The following SLCO2B1 variants were observed in gnomAD, a reference collection of about 807,000 sequenced individuals.
The protein encoded by SLCO2B1 is solute carrier organic anion transporter family member 2B1.
A neutral mutation model predicts 67.3 loss-of-function variants in SLCO2B1; 41 were observed. The observed-to-expected ratio is 0.61, with a 90% confidence interval of 0.47 to 0.79. The LOEUF (loss-of-function observed/expected upper bound fraction) is 0.79. SLCO2B1 is among the 30% of genes least tolerant of loss of function. The pLI is 0.00. For missense variants in SLCO2B1, 837 were observed against 920.1 expected, an observed-to-expected ratio of 0.91 and a Z score of 1.17; for synonymous variants, 379 against 381.4, an observed-to-expected ratio of 0.99 and a Z score of 0.07.
rs116456559 is a variant in SLCO2B1 at position 75,188,962 on chromosome 11, G to A, written c.1075+724G>A. ...CTGAGCCTGCAAATGGGAGGCCATC[G>A]GGAAATTGTCAAATTTCCAGACAGT... is the stretch of plus-strand genomic sequence containing the variant. On this transcript the variant is annotated intron_variant, in intron 8 of 13. Transcript: ENST00000289575. 7.0e-3 allele frequency among the ~76,000 whole-genome samples: 1,059 copies of A among 152,218 alleles called. 13 individuals carry two copies. Among genetic ancestry groups the A allele is most frequent in the African/African-American group, 0.024 (989 of 41,538 alleles).
chr11:75,177,011 G>C (rs959578512), intron 7 of SLCO2B1, among the ~76,000 whole-genome samples: 8 of 152,208 alleles, frequency 5.3e-5, no homozygotes, highest in Admixed American at 2.6e-4. Flanking sequence ...TAGACCACCA[G>C]GTCTGCACAT....
intron 3 of SLCO2B1, among the ~76,000 whole-genome samples, chr11:75,164,505 G>GA (rs774792208): frequency 1.3e-5 from 2 of 152,096 alleles, no homozygotes; most frequent in Non-Finnish European, 2.9e-5. Context: ...ATGGTCGCGG[G>GA]AGGGATACCG....
chr11:75,164,047 A>G lies in SLCO2B1; in HGVS notation c.232A>G (p.Lys78Glu). ...AAAGAGCTCCATCTCCACAGTGGAG[A>G]AGCGCTTCGGCCTCTCCAGCCAGAC... is the stretch of plus-strand genomic sequence containing the variant. The part of the protein sequence containing the change: ...YLKSSISTVE[K>E]RFGLSSQTSG... The change falls in exon 3 of 14, where the codon AAG becomes GAG. Residue 78 changes from lysine to glutamate, a missense_variant. By Grantham distance (56) the Lys-to-Glu change is moderately conservative. Coordinates refer to ENST00000289575, the MANE Select transcript of SLCO2B1 (RefSeq NM_007256.5). 1 of 1,607,800 alleles carries G rather than the reference A, an allele frequency of 6.2e-7. No individual in the cohort carries two copies. Among genetic ancestry groups the G allele is most frequent in the Non-Finnish European group, 8.5e-7 (1 of 1,177,320 alleles).
chr11:75,197,041 G>A (rs567813206), intron 10 of SLCO2B1, among the ~76,000 whole-genome samples: 10 of 152,318 alleles, frequency 6.6e-5, no homozygotes, highest in South Asian at 2.1e-4. Flanking sequence ...ACTTGAATCC[G>A]GGAGGCGGAG....
At chr11:75,164,192 G>GCCTT in intron 3 of SLCO2B1, 92 bp downstream of exon 3, 1 of 1,396,292 alleles carries the variant, frequency 7.2e-7, no homozygotes, top group Non-Finnish European at 9.6e-7. Flanking sequence ...CTACCTTAAG[G>GCCTT]CCTTCCCCTC....
At position 75,203,436 on chromosome 11, in the gene SLCO2B1, T is replaced by C. The variant is rs370694311; in HGVS notation, c.1949+9T>C. 1 of 1,613,946 alleles carries C rather than the reference T, an allele frequency of 6.2e-7. No homozygotes were observed. The highest frequency in any genetic ancestry group is 8.5e-7 in the Non-Finnish European group (1 of 1,179,934). On this transcript the variant is annotated intron_variant, in intron 13 of 13. Coordinates refer to ENST00000289575, the MANE Select transcript of SLCO2B1 (RefSeq NM_007256.5). ...GACCTGCTCCGAAACCGGTGAGACC[T>C]GGTTTGATGGCTTGTGGGAAGGGTG...
Position 75,196,597 on chromosome 11 carries a change from C to A in SLCO2B1, c.1517C>A (p.Pro506His). 1.2e-6 allele frequency: 2 copies of A among 1,614,126 alleles called. No individual in the cohort carries two copies. The highest frequency in any genetic ancestry group is 1.7e-6 in the Non-Finnish European group (2 of 1,180,040). The change falls in exon 10 of 14, where the codon CCC (proline) becomes CAC (histidine). Residue 506 changes from proline to histidine, a missense_variant. Transcript: ENST00000289575. ...PLDGFNPVCDPSTRVEYITPC... is the reference protein window; with the variant it reads ...PLDGFNPVCDHSTRVEYITPC... ...GACGGCTTTAACCCTGTCTGCGACCCCAGCACTCGTGTGGAATACATCACA... is the reference window on the plus strand; with the variant it reads ...GACGGCTTTAACCCTGTCTGCGACCACAGCACTCGTGTGGAATACATCACA...
intron 3 of SLCO2B1, among the ~76,000 whole-genome samples, chr11:75,164,952 G>A (rs1021199321): frequency 2.6e-5 from 4 of 152,054 alleles, no homozygotes; most frequent in Admixed American, 2.6e-4. Context: ...CCATCCCCTG[G>A]CTCCCCTGCT....
Position 75,204,388 on chromosome 11 carries a change from T to C in SLCO2B1, c.1950-12T>C, listed in dbSNP as rs377628248. 64 of 1,592,708 alleles carry C rather than the reference T, an allele frequency of 4.0e-5. No homozygotes were observed. The highest frequency in any genetic ancestry group is 6.7e-5 in the African/African-American group (5 of 74,104). ...CAGCTCTTGAGTTCAAGGGTCCCCATTCTTTCCCCAGGTTCATCGGCCTCC... is the reference window on the plus strand; with the variant it reads ...CAGCTCTTGAGTTCAAGGGTCCCCACTCTTTCCCCAGGTTCATCGGCCTCC... On this transcript the variant is annotated splice_polypyrimidine_tract_variant and intron_variant, in intron 13 of 13. Coordinates refer to ENST00000289575, the MANE Select transcript of SLCO2B1 (RefSeq NM_007256.5).
intron 3 of SLCO2B1, among the ~76,000 whole-genome samples, chr11:75,164,851 G>A (rs1402214990): frequency 6.6e-6 from 1 of 152,166 alleles, no homozygotes; most frequent in Non-Finnish European, 1.5e-5. Flanking sequence ...TGCTCTGGGA[G>A]TTTGGGCAAG....
chr11:75,198,619 G>A (rs905550001), intron 10 of SLCO2B1, among the ~76,000 whole-genome samples: 4 of 152,196 alleles, frequency 2.6e-5, no homozygotes, highest in Admixed American at 2.0e-4. Context: ...GGAGCATCAC[G>A]GAGGCTTGGA....
intron 7 of SLCO2B1, among the ~76,000 whole-genome samples, chr11:75,180,641 C>G (rs961480832): frequency 1.3e-5 from 2 of 152,194 alleles, no homozygotes; most frequent in African/African-American, 4.8e-5. Flanking sequence ...GCACTATAGT[C>G]TATAAAAGGT....
intron 7 of SLCO2B1, 100 bp downstream of exon 7, chr11:75,172,669 T>A (rs1591818391): frequency 9.0e-7 from 1 of 1,113,530 alleles, no homozygotes; most frequent in East Asian, 2.4e-5. Context: ...GTGGCTCACA[T>A]CTGTAGTTCC....
At chr11:75,166,056 C>T in intron 4 of SLCO2B1, 107 bp downstream of exon 4, 1 of 1,350,972 alleles carries the variant, frequency 7.4e-7, no homozygotes, top group Non-Finnish European at 1.0e-6. Context: ...CCCAAAACCT[C>T]AACACCCCAG....
chr11:75,181,294 C>T (rs1054996657), intron 7 of SLCO2B1, among the ~76,000 whole-genome samples: 2 of 147,214 alleles, frequency 1.4e-5, no homozygotes, highest in Non-Finnish European at 3.0e-5. Flanking sequence ...CACTTGAACC[C>T]GGGAGGTGGA....
rs189525492 is a variant in SLCO2B1 at position 75,202,469 on chromosome 11, C to T, written c.1764-432C>T. On this transcript the variant is annotated intron_variant, in intron 11 of 13. Coordinates refer to ENST00000289575, the MANE Select transcript of SLCO2B1 (RefSeq NM_007256.5). ...GGTTGCAGGGCAGAGTTACTGAGCC[C>T]GTAGTAAGCGCTCCATAAATGCCAG... The T allele has an allele frequency of 2.8e-3, 559 of 198,422 alleles. 2 individuals carry two copies. The highest frequency in any genetic ancestry group is 4.9e-3 in the Non-Finnish European group (464 of 95,642). The allele number at this position is 198,422 out of a possible 1,614,324, so 12.3% of individuals were successfully genotyped here.
At chr11:75,180,662 T>G (rs1226345705) in intron 7 of SLCO2B1, among the ~76,000 whole-genome samples, 1 of 152,230 alleles carries the variant, frequency 6.6e-6, no homozygotes, top group African/African-American at 2.4e-5. Flanking sequence ...TTGAGACAGC[T>G]CACACCACAC....
At chr11:75,186,199 C>A (rs527469269) in intron 7 of SLCO2B1, among the ~76,000 whole-genome samples, 1 of 152,036 alleles carries the variant, frequency 6.6e-6, no homozygotes, top group South Asian at 2.1e-4. Context: ...GTGTGTGCCA[C>A]CACACCTGGC....
intron 8 of SLCO2B1, among the ~76,000 whole-genome samples, chr11:75,192,860 A>G (rs1435247480): frequency 6.6e-6 from 1 of 152,186 alleles, no homozygotes; most frequent in Non-Finnish European, 1.5e-5. Flanking sequence ...AGCTTAGCCA[A>G]CAAGGCAAAA....
Sources: allele counts gnomAD v4.1 joint callset (sites outside exome capture counted in the v4.1 genomes callset), GRCh38; gene constraint gnomAD v4.1.1; transcripts MANE v1.5; gene names NCBI Gene and HGNC (gene_info 2026-07-23, HGNC 2026-07-21).